The following RPL35A variants were observed in gnomAD, a reference collection of about 807,000 sequenced individuals.
The protein encoded by RPL35A is large ribosomal subunit protein eL33.
In RPL35A, 1 loss-of-function variant was observed where a neutral mutation model predicts 16.7. The ratio of observed to expected loss-of-function variants is 0.06; its 90% CI spans 0.02 to 0.28. The LOEUF is 0.28. RPL35A is among the 10% of genes least tolerant of loss of function. The pLI, the probability that RPL35A is intolerant of heterozygous loss-of-function variation, is 1.00. For missense variants in RPL35A, 91 were observed against 138.7 expected (o/e 0.66, Z 1.73); for synonymous variants, 58 against 47.0 (o/e 1.23, Z -0.96).
chr3:197,952,625 G>C (rs1423277145), intron 3 of RPL35A: 1 of 152,152 alleles, frequency 6.6e-6, no homozygotes, highest in Non-Finnish European at 1.5e-5. Flanking sequence ...CTCCGAGTGA[G>C]GTGGGATTAC....
chr3:197,952,961 C>A (rs547854723), intron 3 of RPL35A, among the ~76,000 whole-genome samples: 1 of 151,338 alleles, frequency 6.6e-6, no homozygotes, highest in East Asian at 1.9e-4. Context: ...CCACCACACC[C>A]GGCTAACTTT....
chr3:197,954,324 T>A (rs1720360879), intron 4 of RPL35A, 177 bp downstream of exon 4: 1 of 719,692 alleles, frequency 1.4e-6, no homozygotes, highest in Admixed American at 2.6e-5. Context: ...GGTGTTTGGT[T>A]GTTTGTTTTT....
At chr3:197,955,605 G>T in intron 4 of RPL35A, 145 bp from the exon 5 acceptor site, 3 of 745,870 alleles carry the variant, frequency 4.0e-6, no homozygotes, top group Non-Finnish European at 4.9e-6. Context: ...GTATGTTCAC[G>T]TAGAGACTGA....
chr3:197,952,213 A>G (rs1481578502), intron 3 of RPL35A, among the ~76,000 whole-genome samples: 2 of 115,286 alleles, frequency 1.7e-5, no homozygotes, highest in Admixed American at 1.3e-4. Flanking sequence ...ACTGTCACCT[A>G]GGCTGGAGTG....
intron 4 of RPL35A, chr3:197,954,418 C>T (rs564306722): frequency 6.3e-6 from 3 of 479,616 alleles, no homozygotes; most frequent in African/African-American, 2.0e-5. Flanking sequence ...ATTGCAGCCT[C>T]GACCTCCTGG....
Position 197,953,408 on chromosome 3 carries a change from G to A in RPL35A, c.165-595G>A, listed in dbSNP as rs1720278485. The A allele has an allele frequency of 6.6e-6, 3 of 456,686 alleles. No individual in the cohort carries two copies. In the Admixed American group the frequency reaches 7.0e-5, roughly 11 times the overall value. 28.3% of individuals were successfully genotyped at this position (456,686 alleles called of 1,614,324 possible). A position where few individuals can be genotyped will look rare whatever the true frequency, so the allele number is the denominator to read the frequency against. ...AAATATATATAAAGTCATATCCTTTGTACATTGCTCGAACCACAGTAGTTT... is the reference window on the plus strand; with the variant it reads ...AAATATATATAAAGTCATATCCTTTATACATTGCTCGAACCACAGTAGTTT... On this transcript the variant is annotated intron_variant, in intron 3 of 4. Coordinates refer to ENST00000647248, the MANE Select transcript of RPL35A (RefSeq NM_000996.4).
At chr3:197,955,235 C>G (rs1473679005) in intron 4 of RPL35A, among the ~76,000 whole-genome samples, 1 of 151,782 alleles carries the variant, frequency 6.6e-6, no homozygotes, top group Non-Finnish European at 1.5e-5. Flanking sequence ...TTAGAAGAAG[C>G]AAAATTAAAT....
chr3:197,954,248 C>T, intron 4 of RPL35A, 101 bp downstream of exon 4: 1 of 1,221,964 alleles, frequency 8.2e-7, no homozygotes, highest in South Asian at 1.3e-5. Context: ...GAAATTGACA[C>T]CAGTAAATTA....
At chr3:197,951,477 C>T (rs1167651776) in intron 3 of RPL35A, 166 bp downstream of exon 3, 8 of 712,484 alleles carry the variant, frequency 1.1e-5, no homozygotes, top group South Asian at 9.7e-5. Flanking sequence ...CTCAGCCTCC[C>T]GAGTAGCTGG....
At chr3:197,950,361 G>A in intron 1 of RPL35A, 140 bp downstream of exon 1, 1 of 1,218,430 alleles carries the variant, frequency 8.2e-7, no homozygotes, top group Non-Finnish European at 1.0e-6. Context: ...GGGAGAACAG[G>A]ATGGAGGAGA....
intron 4 of RPL35A, 61 bp downstream of exon 4, chr3:197,954,208 G>C (rs1218274696): frequency 6.3e-7 from 1 of 1,580,504 alleles, no homozygotes; most frequent in South Asian, 1.1e-5. Context: ...AAGGTGTTGT[G>C]CTTTGACTTC....
rs1294669516 is a variant in RPL35A at position 197,955,979 on chromosome 3, G to A, written c.*206G>A. 3 of 566,190 alleles carry A rather than the reference G, an allele frequency of 5.3e-6. No homozygotes were observed. Among genetic ancestry groups the A allele is most frequent in the South Asian group, 3.9e-5 (2 of 51,780 alleles). The allele number at this position is 566,190 out of a possible 1,614,324, so 35.1% of individuals were successfully genotyped here. On this transcript the variant is annotated 3_prime_UTR_variant, in exon 5 of 5. Transcript: ENST00000647248. ...TTTAGAAGGGAACGGGTTTTAATGC[G>A]AGTATCTTTGACAGAGTCTTGCTCT...
chr3:197,951,554 T>G (rs568987393), intron 3 of RPL35A: 1 of 477,194 alleles, frequency 2.1e-6, no homozygotes, highest in Admixed American at 3.3e-5. Flanking sequence ...GGTATTGCCA[T>G]GTTGGCCAGG....
chr3:197,950,751 TTC>T, intron 1 of RPL35A, 183 bp from the exon 2 acceptor site: 1 of 613,146 alleles, frequency 1.6e-6, no homozygotes, highest in Non-Finnish European at 2.9e-6. Flanking sequence ...ATACCAGCTG[TTC>T]TCTGAGGTTT....
chr3:197,955,747 C>A lies in RPL35A; in HGVS notation c.310-3C>A. 1 of 1,602,244 alleles carries A rather than the reference C, an allele frequency of 6.2e-7. No homozygotes were observed. The highest frequency in any genetic ancestry group is 8.5e-7 in the Non-Finnish European group (1 of 1,171,100). On this transcript the variant is annotated splice_polypyrimidine_tract_variant and splice_region_variant and intron_variant, in intron 4 of 4. Coordinates refer to ENST00000647248, the MANE Select transcript of RPL35A (RefSeq NM_000996.4). ...AATGTTTTGTGTTCTTTTTTCCCTG[C>A]AGATGCTGTACCCCTCAAGGATTTA...
rs143337408 is a variant in RPL35A at position 197,950,237 on chromosome 3, G to C, written c.-33+16G>C. 3,714 of 1,230,904 alleles carry C rather than the reference G, an allele frequency of 3.0e-3. 11 individuals are homozygous for C. Among genetic ancestry groups the C allele is most frequent in the Non-Finnish European group, 3.3e-3 (3,275 of 987,742 alleles). 76.2% of individuals were successfully genotyped at this position (1,230,904 alleles called of 1,614,324 possible). A position where few individuals can be genotyped will look rare whatever the true frequency, so the allele number is the denominator to read the frequency against. ...TCCTGTGGAGGTGAGTGAAGGGTCT[G>C]CTGCTGAAATTTGGGGGCAAATAAC... is the stretch of plus-strand genomic sequence containing the variant. On this transcript the variant is annotated intron_variant, in intron 1 of 4. Coordinates refer to ENST00000647248, the MANE Select transcript of RPL35A (RefSeq NM_000996.4).
At chr3:197,953,326 TG>T (rs1720268426) in intron 3 of RPL35A, among the ~76,000 whole-genome samples, 1 of 152,182 alleles carries the variant, frequency 6.6e-6, no homozygotes, top group Admixed American at 6.5e-5. Flanking sequence ...CAGTGAGCTA[TG>T]ATTGGGCCAC....
chr3:197,955,614 G>T (rs1720468064), intron 4 of RPL35A, 136 bp from the exon 5 acceptor site: 1 of 786,104 alleles, frequency 1.3e-6, no homozygotes. Flanking sequence ...CGTAGAGACT[G>T]AAGGCTATAA....
chr3:197,953,120 G>A (rs1720255101), intron 3 of RPL35A, among the ~76,000 whole-genome samples: 1 of 152,222 alleles, frequency 6.6e-6, no homozygotes, highest in South Asian at 2.1e-4. Flanking sequence ...GACAACAAGA[G>A]CAAATCCTAT....
Sources: gnomAD v4.1 joint callset for allele counts (sites outside exome capture counted in the v4.1 genomes callset) on GRCh38, gnomAD v4.1.1 for gene constraint, MANE v1.5 for transcripts, NCBI Gene and HGNC (gene_info 2026-07-23, HGNC 2026-07-21) for gene names.